Variants in KAT2B observed in about 807,000 individuals in gnomAD.
The protein encoded by KAT2B is histone acetyltransferase KAT2B.
In KAT2B, 36 loss-of-function variants were observed where a neutral mutation model predicts 105.9. The observed-to-expected ratio is 0.34, with a 90% CI of 0.26 to 0.45. The LOEUF (loss-of-function observed/expected upper bound fraction) is 0.45, where lower values mean the gene tolerates loss of function less well. Ranked by LOEUF, KAT2B falls within the 20% of genes least tolerant of loss-of-function variation. KAT2B has a pLI of 1.00. For synonymous variants in KAT2B, 397 were observed against 377.9 expected (o/e 1.05, Z -0.59); for missense variants, 820 against 1,021.6 (o/e 0.80, Z 2.69).
intron 1 of KAT2B, among the ~76,000 whole-genome samples, chr3:20,048,106 AT>A (rs1195001941): frequency 6.6e-6 from 1 of 152,222 alleles, no homozygotes; most frequent in Non-Finnish European, 1.5e-5. Flanking sequence ...AGTTTATTGC[AT>A]ACAATTGTAT....
chr3:20,042,544 GA>G (rs929275979), intron 1 of KAT2B, among the ~76,000 whole-genome samples: 2 of 151,918 alleles, frequency 1.3e-5, no homozygotes, highest in Admixed American at 1.3e-4. Flanking sequence ...AAAAACCTAT[GA>G]AAAAAAAGAG....
intron 2 of KAT2B, among the ~76,000 whole-genome samples, chr3:20,078,617 G>T (rs1698462788): frequency 6.6e-6 from 1 of 151,668 alleles, no homozygotes; most frequent in African/African-American, 2.4e-5. Flanking sequence ...GAGGTCAAGC[G>T]ATCTGCCCAC....
intron 1 of KAT2B, among the ~76,000 whole-genome samples, chr3:20,055,020 G>T (rs571693479): frequency 8.6e-4 from 131 of 152,194 alleles, no homozygotes; most frequent in African/African-American, 3.1e-3. Context: ...AATGCAGAGA[G>T]AAACCATTGT....
intron 1 of KAT2B, among the ~76,000 whole-genome samples, chr3:20,052,002 A>T (rs1178294718): frequency 6.6e-6 from 1 of 152,234 alleles, no homozygotes; most frequent in Non-Finnish European, 1.5e-5. Flanking sequence ...TTTATCACCT[A>T]GTTATAATTG....
In KAT2B at chr3:20,069,337, G is replaced by A. The variant is rs1285897045; in HGVS notation, c.304-2996G>A. 2.0e-5 allele frequency among the ~76,000 whole-genome samples: 3 copies of A among 152,092 alleles called. No individual in the cohort carries two copies. In the East Asian group the frequency reaches 5.8e-4, roughly 29 times the overall value. On this transcript the variant is annotated intron_variant, in intron 1 of 17. Coordinates refer to ENST00000263754, the MANE Select transcript of KAT2B (RefSeq NM_003884.5). ...GGAAACCAATGGTAGATCAGGGCTG[G>A]TTTTAGCAAGGTTTGTTATGTAGAT...
intron 8 of KAT2B, among the ~76,000 whole-genome samples, chr3:20,121,169 AAAG>A (rs1699300802): frequency 6.6e-6 from 1 of 152,210 alleles, no homozygotes; most frequent in Non-Finnish European, 1.5e-5. Context: ...ATTGTAAAAA[AAAG>A]AACTCGACAA....
intron 1 of KAT2B, among the ~76,000 whole-genome samples, chr3:20,062,073 CATATA>C (rs1466852073): frequency 4.7e-5 from 4 of 84,740 alleles, no homozygotes; most frequent in Non-Finnish European, 6.3e-5. Context: ...ATATATAAAA[CATATA>C]ATATATATTA....
At chr3:20,095,224 A>T (rs375207374) in intron 2 of KAT2B, 39 bp from the exon 3 acceptor site, 2 of 1,569,028 alleles carry the variant, frequency 1.3e-6, no homozygotes, top group Non-Finnish European at 8.7e-7. Context: ...TTGGTTTCCA[A>T]TTGAGGTCTT....
chr3:20,062,289 T>A (rs368993475), intron 1 of KAT2B, among the ~76,000 whole-genome samples: 14 of 44,584 alleles, frequency 3.1e-4, no homozygotes, highest in Non-Finnish European at 4.2e-4. Context: ...TAAAATATAA[T>A]ATATAATATA....
chr3:20,151,201 C>G (rs538691872), intron 17 of KAT2B, among the ~76,000 whole-genome samples: 2 of 152,308 alleles, frequency 1.3e-5, no homozygotes, highest in East Asian at 3.9e-4. Flanking sequence ...GACATACACT[C>G]TAACCAAGAT....
intron 11 of KAT2B, among the ~76,000 whole-genome samples, chr3:20,127,993 C>T (rs1699435956): frequency 6.6e-6 from 1 of 152,170 alleles, no homozygotes; most frequent in Admixed American, 6.5e-5. Flanking sequence ...CCTAACAGGC[C>T]ACGGACTGGT....
chr3:20,054,607 G>C (rs1020141926), intron 1 of KAT2B, among the ~76,000 whole-genome samples: 3 of 152,124 alleles, frequency 2.0e-5, no homozygotes. Flanking sequence ...TGTACTCTTG[G>C]CTTGTGCAGC....
intron 1 of KAT2B, among the ~76,000 whole-genome samples, chr3:20,051,333 C>T (rs1697912908): frequency 6.6e-6 from 1 of 152,040 alleles, no homozygotes; most frequent in Non-Finnish European, 1.5e-5. Context: ...GATGATGTCA[C>T]TGCTGGTAGT....
chr3:20,112,173 T>G (rs1421190881), intron 6 of KAT2B, among the ~76,000 whole-genome samples: 1 of 151,776 alleles, frequency 6.6e-6, no homozygotes, highest in Non-Finnish European at 1.5e-5. Context: ...TGGCTTTTTT[T>G]TTTTTTTCCG....
In KAT2B at chr3:20,119,737, A is replaced by C. The variant is rs748120284; in HGVS notation, c.1276+14A>C. ...AGGCAAACCCAGGTAAGCTCTTAAG[A>C]GGGGATAAGAGAGGGCTGTGACTTG... On this transcript the variant is annotated intron_variant, in intron 8 of 17. Transcript: ENST00000263754. The C allele has an allele frequency of 6.2e-7, 1 of 1,613,546 alleles. No homozygotes were observed. The highest frequency in any genetic ancestry group is 1.3e-5 in the African/African-American group (1 of 75,040).
intron 5 of KAT2B, among the ~76,000 whole-genome samples, chr3:20,108,724 C>A (rs531095948): frequency 6.6e-6 from 1 of 152,138 alleles, no homozygotes; most frequent in Non-Finnish European, 1.5e-5. Flanking sequence ...CATTAGGAAC[C>A]GGGCTGCACA....
intron 1 of KAT2B, among the ~76,000 whole-genome samples, chr3:20,067,517 A>G (rs1441345916): frequency 6.6e-6 from 1 of 152,136 alleles, no homozygotes; most frequent in African/African-American, 2.4e-5. Context: ...GCAACAATGA[A>G]GTTAAGATCT....
At chr3:20,116,395 A>G (rs1304604142) in intron 7 of KAT2B, among the ~76,000 whole-genome samples, 1 of 152,124 alleles carries the variant, frequency 6.6e-6, no homozygotes, top group Non-Finnish European at 1.5e-5. Flanking sequence ...AGAGCCTTGA[A>G]TATATCCTAT....
chr3:20,092,927 C>G (rs1442630910), intron 2 of KAT2B, among the ~76,000 whole-genome samples: 2 of 151,944 alleles, frequency 1.3e-5, no homozygotes, highest in Admixed American at 1.3e-4. Context: ...GTCTCGAACT[C>G]CTGACCTTGT....
Sources: allele counts gnomAD v4.1 joint callset (sites outside exome capture counted in the v4.1 genomes callset), GRCh38; gene constraint gnomAD v4.1.1; transcripts MANE v1.5; gene names NCBI Gene and HGNC (gene_info 2026-07-23, HGNC 2026-07-21).